Variants in COL4A4 observed in about 807,000 individuals in gnomAD.
The protein encoded by COL4A4 is collagen alpha-4(IV) chain.
In COL4A4, 105 loss-of-function variants were observed where a neutral mutation model predicts 192.9. That is an observed-to-expected ratio of 0.54 (90% confidence interval 0.46 to 0.64). The LOEUF (loss-of-function observed/expected upper bound fraction) is 0.64. Ranked by LOEUF, COL4A4 falls within the 30% of genes least tolerant of loss-of-function variation. The pLI, the probability that COL4A4 is intolerant of heterozygous loss-of-function variation, is 0.00. For missense variants in COL4A4, 1,967 were observed against 2,169.3 expected (o/e 0.91, Z 1.85); for synonymous variants, 762 against 769.9 (o/e 0.99, Z 0.17).
chr2:227,042,065 T>G (rs1372342711), intron 37 of COL4A4, 83 bp downstream of exon 37: 8 of 851,032 alleles, frequency 9.4e-6, no homozygotes, highest in Non-Finnish European at 1.4e-5. Context: ...GCAGGGTCAC[T>G]CACTGGTACA....
At chr2:227,022,013 A>G (rs2149851709) in intron 44 of COL4A4, 35 bp downstream of exon 44, 2 of 1,602,132 alleles carry the variant, frequency 1.2e-6, no homozygotes, top group East Asian at 4.5e-5. Context: ...GCAATATATC[A>G]TGAAAATAAT....
At chr2:227,119,067 TC>T (rs2061637884) in intron 6 of COL4A4, among the ~76,000 whole-genome samples, 3 of 151,938 alleles carry the variant, frequency 2.0e-5, no homozygotes, top group East Asian at 1.9e-4. Context: ...TTTTTTTTTT[TC>T]CATTCCATTT....
rs2149715418 is a variant in COL4A4 at position 227,007,562 on chromosome 2, T to C, written c.4836A>G (p.Gly1612=). Residue 1612 remains glycine (G), a synonymous_variant, in exon 48 of 48, where the codon GGA becomes GGG. Transcript: ENST00000396625. ...TGCCAGGTGACATAAGGGCCTGCCC[T>C]CCTCCTTGGTCCCCAGCTCCTGTGT... The part of the protein sequence containing the change: ...LMHTGAGDQG[G]GQALMSPGSC... 1.2e-6 allele frequency: 2 copies of C among 1,612,712 alleles called. No individual in the cohort carries two copies. Among genetic ancestry groups the C allele is most frequent in the Non-Finnish European group, 8.5e-7 (1 of 1,180,024 alleles).
chr2:227,139,902 C>A (rs531658328), intron 4 of COL4A4, among the ~76,000 whole-genome samples: 1 of 152,250 alleles, frequency 6.6e-6, no homozygotes, highest in East Asian at 1.9e-4. Context: ...CACACCAGGA[C>A]CCTTCCTCCA....
At chr2:227,050,011 T>G in intron 34 of COL4A4, 57 bp downstream of exon 34, 5 of 1,526,842 alleles carry the variant, frequency 3.3e-6, no homozygotes, top group Non-Finnish European at 3.6e-6. Context: ...GTTTACAATG[T>G]TATAAACATT....
intron 22 of COL4A4, among the ~76,000 whole-genome samples, chr2:227,083,794 C>T (rs189187852): frequency 1.3e-5 from 2 of 152,218 alleles, no homozygotes; most frequent in East Asian, 3.9e-4. Context: ...GCAAGCTTAA[C>T]TATCTTTTTT....
At chr2:227,077,066 T>C (rs2059062606) in intron 25 of COL4A4, among the ~76,000 whole-genome samples, 1 of 152,192 alleles carries the variant, frequency 6.6e-6, no homozygotes, top group African/African-American at 2.4e-5. Context: ...TCAACCATGA[T>C]GGAAGACAGT....
intron 37 of COL4A4, among the ~76,000 whole-genome samples, chr2:227,034,734 A>T: frequency 1.1e-5 from 1 of 91,272 alleles, no homozygotes; most frequent in Middle Eastern, 7.6e-3. Flanking sequence ...ACCCCACAAC[A>T]GTCCCCAGAG....
At chr2:227,124,520 C>A (rs147746811) in intron 4 of COL4A4, among the ~76,000 whole-genome samples, 1 of 152,172 alleles carries the variant, frequency 6.6e-6, no homozygotes, top group Non-Finnish European at 1.5e-5. Context: ...GCTCATTCAT[C>A]ATTGTTAAAT....
the COL4A4 span, chr2:226,997,465 CTG>C: frequency 1.2e-4 from 19 of 152,186 alleles, no homozygotes; most frequent in Admixed American, 1.2e-3. Flanking sequence ...GTGAATGACT[CTG>C]TAATGAGGCC....
chr2:227,023,559 C>A (rs2149872872), intron 43 of COL4A4, among the ~76,000 whole-genome samples: 1 of 152,248 alleles, frequency 6.6e-6, no homozygotes, highest in South Asian at 2.1e-4. Flanking sequence ...CTGCAAACAT[C>A]ACAGAGGGAT....
chr2:227,061,905 G>T (rs3820926), intron 26 of COL4A4, among the ~76,000 whole-genome samples: 97,951 of 151,974 alleles, frequency 0.64, 32,165 homozygotes, highest in African/African-American at 0.76. Context: ...AAGTGATCAT[G>T]ATTCACTCTT....
chr2:227,094,477 T>A (rs2060103761), intron 19 of COL4A4, among the ~76,000 whole-genome samples, 188 bp from the exon 20 acceptor site: 1 of 152,152 alleles, frequency 6.6e-6, no homozygotes, highest in Admixed American at 6.5e-5. Flanking sequence ...ATCTCACTTA[T>A]ATGTGGAATC....
In COL4A4 at chr2:227,012,632, C is replaced by CAA. The variant is rs61163440; in HGVS notation, c.4217-337_4217-336dup. ...TTCATAGTCTTCATATATTTGACTTCAAAAAAAAAAAAAAAAACTACTGAA... is the reference window on the plus strand; with the variant it reads ...TTCATAGTCTTCATATATTTGACTTCAAAAAAAAAAAAAAAAAAACTACTGAA... On this transcript the variant is annotated intron_variant, in intron 44 of 47. Transcript: ENST00000396625. Among the ~76,000 whole-genome samples, 35 of 110,266 alleles carry CAA rather than the reference C, an allele frequency of 3.2e-4. 3 individuals are homozygous for CAA. Among genetic ancestry groups the CAA allele is most frequent in the African/African-American group, 5.2e-4 (16 of 30,644 alleles). The allele number at this position is 110,266 out of a possible 152,430, so 72.3% of individuals were successfully genotyped here.
chr2:227,089,455 T>A (rs1576424379), intron 21 of COL4A4, among the ~76,000 whole-genome samples: 1 of 151,648 alleles, frequency 6.6e-6, no homozygotes, highest in African/African-American at 2.4e-5. Context: ...AGGCAATTGA[T>A]GAGTCTGGGA....
chr2:227,109,174 C>T, intron 10 of COL4A4, 50 bp downstream of exon 10: 1 of 1,541,720 alleles, frequency 6.5e-7, no homozygotes, highest in Non-Finnish European at 9.0e-7. Context: ...TCTTTATTTT[C>T]ATGTAGAATC....
chr2:227,134,027 T>C (rs1007952881), intron 4 of COL4A4, among the ~76,000 whole-genome samples: 1 of 152,254 alleles, frequency 6.6e-6, no homozygotes. Flanking sequence ...TTCCTGTTCT[T>C]GACACAGGGG....
chr2:227,163,096 G>A (rs2064982191), intron 1 of COL4A4, among the ~76,000 whole-genome samples: 1 of 152,218 alleles, frequency 6.6e-6, no homozygotes, highest in African/African-American at 2.4e-5. Context: ...CTGTTCCAAA[G>A]CAAAGATTCT....
At chr2:227,065,952 A>G (rs1027904192) in intron 25 of COL4A4, among the ~76,000 whole-genome samples, 2 of 152,216 alleles carry the variant, frequency 1.3e-5, no homozygotes, top group African/African-American at 2.4e-5. Flanking sequence ...ATTCAAACCA[A>G]AGGCAAAGAA....
Sources: gnomAD v4.1 joint callset for allele counts (sites outside exome capture counted in the v4.1 genomes callset) on GRCh38, gnomAD v4.1.1 for gene constraint, MANE v1.5 for transcripts, NCBI Gene and HGNC (gene_info 2026-07-23, HGNC 2026-07-21) for gene names.